The following ERBB4 variants were observed in gnomAD, a reference collection of about 807,000 sequenced individuals.
ERBB4 encodes the protein receptor tyrosine-protein kinase erbB-4.
ERBB4 carries 42 observed loss-of-function variants against 158.0 expected under a neutral mutation model. That is an observed-to-expected ratio of 0.27 (90% CI 0.21 to 0.34). ERBB4 has a LOEUF of 0.34. Among genes scored for constraint, ERBB4 ranks in the 10% least tolerant of loss-of-function variants. The pLI is 1.00. For synonymous variants in ERBB4, 583 were observed against 558.7 expected, an observed-to-expected ratio of 1.04 and a Z score of -0.61; for missense variants, 1,333 against 1,624.1, an observed-to-expected ratio of 0.82 and a Z score of 3.08.
At chr2:211,484,053 A>G (rs955806591) in intron 20 of ERBB4, among the ~76,000 whole-genome samples, 2 of 152,234 alleles carry the variant, frequency 1.3e-5, no homozygotes, top group Non-Finnish European at 2.9e-5. Context: ...CTCACAAGAA[A>G]TGTTAGAGTT....
At chr2:211,887,867 T>A (rs532815865) in intron 3 of ERBB4, among the ~76,000 whole-genome samples, 2 of 152,222 alleles carry the variant, frequency 1.3e-5, no homozygotes, top group Non-Finnish European at 2.9e-5. Flanking sequence ...TTCAACCACC[T>A]GGCACATTAT....
intron 14 of ERBB4, among the ~76,000 whole-genome samples, chr2:211,672,595 C>G (rs531883975): frequency 6.6e-6 from 1 of 152,172 alleles, no homozygotes; most frequent in Non-Finnish European, 1.5e-5. Flanking sequence ...GTACTTGTCT[C>G]CTTCTTTCCA....
intron 5 of ERBB4, among the ~76,000 whole-genome samples, chr2:211,744,395 G>A (rs979990032): frequency 1.3e-5 from 2 of 152,004 alleles, no homozygotes; most frequent in Non-Finnish European, 2.9e-5. Flanking sequence ...GTAAGTTGTC[G>A]GTTTGTTCAC....
At chr2:211,431,923 G>GA (rs1247064764) in intron 20 of ERBB4, among the ~76,000 whole-genome samples, 12 of 151,962 alleles carry the variant, frequency 7.9e-5, no homozygotes, top group Admixed American at 7.9e-4. Flanking sequence ...TACAAATTCA[G>GA]AAAAAATAAT....
intron 1 of ERBB4, among the ~76,000 whole-genome samples, chr2:212,333,212 T>C (rs1177409025): frequency 6.6e-6 from 1 of 151,998 alleles, no homozygotes; most frequent in East Asian, 1.9e-4. Context: ...GGGAAAAACT[T>C]CCTGGTTAAG....
At chr2:212,501,512 G>T (rs1422197690) in intron 1 of ERBB4, among the ~76,000 whole-genome samples, 1 of 152,054 alleles carries the variant, frequency 6.6e-6, no homozygotes, top group Non-Finnish European at 1.5e-5. Context: ...TGAAAGTGAG[G>T]AAAACTCCCA....
chr2:212,016,121 C>T (rs1042201720), intron 2 of ERBB4, among the ~76,000 whole-genome samples: 1 of 149,548 alleles, frequency 6.7e-6, no homozygotes, highest in Non-Finnish European at 1.5e-5. Context: ...CAGTTCTTTC[C>T]TTTTGACAAT....
At chr2:211,429,783 G>C (rs2063710790) in intron 21 of ERBB4, among the ~76,000 whole-genome samples, 1 of 152,188 alleles carries the variant, frequency 6.6e-6, no homozygotes, top group Non-Finnish European at 1.5e-5. Flanking sequence ...AGACTTTATG[G>C]ACTACGGACA....
At chr2:212,319,102 C>T (rs890054755) in intron 1 of ERBB4, among the ~76,000 whole-genome samples, 6 of 151,618 alleles carry the variant, frequency 4.0e-5, no homozygotes, top group African/African-American at 1.5e-4. Flanking sequence ...CCAGGCAGCT[C>T]ATTTTGTGGC....
chr2:212,403,553 T>TA (rs945343705), intron 1 of ERBB4, among the ~76,000 whole-genome samples: 2 of 151,924 alleles, frequency 1.3e-5, no homozygotes, highest in African/African-American at 4.8e-5. Flanking sequence ...TATTCAACCT[T>TA]AAAAAAGAAG....
At chr2:211,433,760 C>A (rs966994226) in intron 20 of ERBB4, among the ~76,000 whole-genome samples, 7 of 152,082 alleles carry the variant, frequency 4.6e-5, no homozygotes, top group Non-Finnish European at 5.9e-5. Context: ...AGTCCATGGA[C>A]TACATCCATT....
At chr2:212,365,567 C>T (rs2089857629) in intron 1 of ERBB4, among the ~76,000 whole-genome samples, 1 of 151,562 alleles carries the variant, frequency 6.6e-6, no homozygotes, top group African/African-American at 2.4e-5. Context: ...TCATTTCAAG[C>T]CTAATTTTAA....
At chr2:211,904,302 G>T (rs1459262159) in intron 3 of ERBB4, among the ~76,000 whole-genome samples, 1 of 151,974 alleles carries the variant, frequency 6.6e-6, no homozygotes, top group Non-Finnish European at 1.5e-5. Flanking sequence ...AAAAACTAAT[G>T]AACTCATGTA....
Position 211,906,449 on chromosome 2 carries a change from C to T in ERBB4, c.421+40981G>A, listed in dbSNP as rs1487681389. ...AAAAATCAAGAGTTCCATTTTTGTA[C>T]ATGTTAATATTATAGATAGTTATGG... On this transcript the variant is annotated intron_variant, in intron 3 of 27. Transcript: ENST00000342788. Among the ~76,000 whole-genome samples, 10 of 152,100 alleles carry T rather than the reference C, an allele frequency of 6.6e-5. No individual in the cohort carries two copies. In the East Asian group the frequency reaches 1.9e-3, roughly 29 times the overall value.
intron 1 of ERBB4, among the ~76,000 whole-genome samples, chr2:212,350,081 A>G (rs138510092): frequency 4.6e-5 from 7 of 152,292 alleles, no homozygotes; most frequent in South Asian, 2.1e-4. Context: ...TGCCATGTGA[A>G]GAAGTACAGT....
At chr2:211,775,882 T>A (rs2075861145) in intron 4 of ERBB4, among the ~76,000 whole-genome samples, 1 of 152,176 alleles carries the variant, frequency 6.6e-6, no homozygotes, top group African/African-American at 2.4e-5. Context: ...ACGTTTTTTA[T>A]GTGTATACTT....
intron 1 of ERBB4, among the ~76,000 whole-genome samples, chr2:212,538,155 G>A (rs1338469521): frequency 6.6e-6 from 1 of 152,188 alleles, no homozygotes; most frequent in Non-Finnish European, 1.5e-5. Flanking sequence ...AACAACAGGC[G>A]CCACCAGAAG....
intron 25 of ERBB4, among the ~76,000 whole-genome samples, chr2:211,415,467 G>C (rs1033667696): frequency 2.6e-5 from 4 of 152,040 alleles, no homozygotes; most frequent in Non-Finnish European, 5.9e-5. Flanking sequence ...TTATCATTTT[G>C]CTCAAACTTC....
intron 25 of ERBB4, among the ~76,000 whole-genome samples, chr2:211,415,248 C>T (rs1208028042): frequency 2.0e-5 from 3 of 151,334 alleles, no homozygotes; most frequent in Non-Finnish European, 4.4e-5. Context: ...TCCCGAGTAG[C>T]CGGGACCACA....
Sources: gnomAD v4.1 joint callset for allele counts (sites outside exome capture counted in the v4.1 genomes callset) on GRCh38, gnomAD v4.1.1 for gene constraint, MANE v1.5 for transcripts, NCBI Gene and HGNC (gene_info 2026-07-23, HGNC 2026-07-21) for gene names.